TOR1B: variants seen among roughly 807,000 people sequenced by gnomAD.
TOR1B encodes torsin-1B.
In TOR1B, 14 loss-of-function variants were observed where a neutral mutation model predicts 29.2. The observed-to-expected ratio is 0.48, with a 90% CI of 0.32 to 0.75. TOR1B has a LOEUF of 0.75. Ranked by LOEUF, TOR1B falls within the 30% of genes least tolerant of loss-of-function variation. The pLI, the probability that TOR1B is intolerant of heterozygous loss-of-function variation, is 0.04. For missense variants in TOR1B, 400 were observed against 433.9 expected (o/e 0.92, Z 0.69); for synonymous variants, 166 against 179.8 (o/e 0.92, Z 0.62).
chr9:129,809,799 TTGAG>T lies in TOR1B; in HGVS notation c.*220_*223del. ...ACTCACTGCAACCTCCGCTCCCGGTTTGAGTGATTCTCATGCCTCAGCCTCCCGA... is the reference window on the plus strand; with the variant it reads ...ACTCACTGCAACCTCCGCTCCCGGTTTGATTCTCATGCCTCAGCCTCCCGA... On this transcript the variant is annotated 3_prime_UTR_variant, in exon 5 of 5. Coordinates refer to ENST00000259339, the MANE Select transcript of TOR1B (RefSeq NM_014506.3). The T allele has an allele frequency of 7.2e-7, 1 of 1,394,530 alleles. No homozygotes were observed. The highest frequency in any genetic ancestry group is 2.7e-5 in the East Asian group (1 of 36,456). The allele number at this position is 1,394,530 out of a possible 1,614,324, so 86.4% of individuals were successfully genotyped here.
intron 4 of TOR1B, 53 bp from the exon 5 acceptor site, chr9:129,809,289 G>A: frequency 6.2e-7 from 1 of 1,610,780 alleles, no homozygotes; most frequent in Admixed American, 1.7e-5. Flanking sequence ...CGGGACTGGA[G>A]CTTGGCCAGG....
chr9:129,809,523 C>T lies in TOR1B; in HGVS notation c.951C>T (p.Asp317=), dbSNP rs368277926. The T allele has an allele frequency of 3.0e-5, 49 of 1,614,114 alleles. No individual in the cohort carries two copies. The highest frequency in any genetic ancestry group is 6.7e-5 in the East Asian group (3 of 44,874). ...AGGAAATGACGTTTTTCCCCAGAGA[C>T]GAGAAAATCTACTCAGACAAGGGCT... ...VAEEMTFFPR[D]EKIYSDKGCK... is the part of the protein sequence containing the mutation. Residue 317 remains aspartate, a synonymous_variant, in exon 5 of 5, where the codon GAC becomes GAT. Coordinates refer to ENST00000259339, the MANE Select transcript of TOR1B (RefSeq NM_014506.3).
At chr9:129,806,037 C>A (rs1041689720) in intron 2 of TOR1B, among the ~76,000 whole-genome samples, 2 of 151,532 alleles carry the variant, frequency 1.3e-5, no homozygotes, top group African/African-American at 4.9e-5. Context: ...GGGAGGATCG[C>A]TTGAGCCCGG....
At chr9:129,805,094 C>T (rs1334591259) in intron 2 of TOR1B, among the ~76,000 whole-genome samples, 6 of 149,858 alleles carry the variant, frequency 4.0e-5, no homozygotes, top group South Asian at 2.1e-4. Flanking sequence ...GCCGAGATCG[C>T]GCCACTGCAC....
rs2030326482 is a variant in TOR1B, at chr9:129,804,099, C to T, written c.226C>T (p.Leu76=). ...TCTCAAGCTGGATTTGGAGGAGAAG[C>T]TGTTTGGACAGCATCTAGCCACGGA... The part of the protein sequence containing the change: ...SALKLDLEEK[L]FGQHLATEVI... Residue 76 remains leucine, a synonymous_variant, in exon 2 of 5, where the codon CTG becomes TTG. Coordinates refer to ENST00000259339, the MANE Select transcript of TOR1B (RefSeq NM_014506.3). 1 of 1,614,192 alleles carries T rather than the reference C, an allele frequency of 6.2e-7. No individual in the cohort carries two copies. The highest frequency in any genetic ancestry group is 1.3e-5 in the African/African-American group (1 of 75,044).
chr9:129,804,122 G>C lies in TOR1B; in HGVS notation c.249G>C (p.Thr83=). ...EEKLFGQHLA[T]EVIFKALTGF... ...AGCTGTTTGGACAGCATCTAGCCACGGAAGTGATTTTCAAGGCGCTGACTG... is the reference window on the plus strand; with the variant it reads ...AGCTGTTTGGACAGCATCTAGCCACCGAAGTGATTTTCAAGGCGCTGACTG... Residue 83 remains threonine, a synonymous_variant, in exon 2 of 5, where the codon ACG becomes ACC. Coordinates refer to ENST00000259339, the MANE Select transcript of TOR1B (RefSeq NM_014506.3). 1 of 1,614,182 alleles carries C rather than the reference G, an allele frequency of 6.2e-7. No individual in the cohort carries two copies. The highest frequency in any genetic ancestry group is 8.5e-7 in the Non-Finnish European group (1 of 1,180,038).
Position 129,808,913 on chromosome 9 carries a change from G to A in TOR1B, c.650G>A (p.Gly217Asp), listed in dbSNP as rs550162153. ...KAIFIFLSNA[G>D]GDLITKTALD... ...TTCTCTGGCAAACTCAGCAATGCAGGCGGGGACCTTATAACTAAGACGGCT... is the reference window on the plus strand; with the variant it reads ...TTCTCTGGCAAACTCAGCAATGCAGACGGGGACCTTATAACTAAGACGGCT... The change falls in exon 4 of 5, where the codon GGC becomes GAC. Residue 217 changes from glycine (G) to aspartate (D), a missense_variant. By Grantham distance (94) the Gly-to-Asp change is moderately conservative. Coordinates refer to ENST00000259339, the MANE Select transcript of TOR1B (RefSeq NM_014506.3). The A allele has an allele frequency of 1.2e-6, 2 of 1,613,440 alleles. No individual in the cohort carries two copies. The highest frequency in any genetic ancestry group is 3.4e-5 in the Admixed American group (2 of 59,688).
At position 129,810,546 on chromosome 9, in the gene TOR1B, T is replaced by TA; in HGVS notation, c.*964dup. On this transcript the variant is annotated 3_prime_UTR_variant, in exon 5 of 5. Transcript: ENST00000259339. ...CTAGAGTCCCCCCAACCATATATCA[T>TA]AGAGTTGAATCACAATGAGACCGTT... The TA allele has an allele frequency of 3.2e-6, 2 of 619,280 alleles. No homozygotes were observed. The highest frequency in any genetic ancestry group is 4.3e-6 in the Non-Finnish European group (2 of 466,640). 38.4% of individuals were successfully genotyped at this position (619,280 alleles called of 1,614,324 possible). A position where few individuals can be genotyped will look rare whatever the true frequency, so the allele number is the denominator to read the frequency against.
chr9:129,803,305 C>A lies in TOR1B; in HGVS notation c.93C>A (p.Gly31=). The change falls in exon 1 of 5, where the codon GGC becomes GGA. Residue 31 remains glycine, a synonymous_variant. Coordinates refer to ENST00000259339, the MANE Select transcript of TOR1B (RefSeq NM_014506.3). ...VVAAFEPITV[G]LAIGAASAIT... is the part of the protein sequence containing the mutation. ...CGGCGTTCGAGCCCATCACCGTGGG[C>A]CTAGCCATCGGGGCCGCGTCGGCCA... 6.3e-7 allele frequency: 1 copy of A among 1,589,152 alleles called. No individual in the cohort carries two copies.
chr9:129,808,858 G>A, intron 3 of TOR1B, 47 bp from the exon 4 acceptor site: 1 of 1,607,490 alleles, frequency 6.2e-7, no homozygotes, highest in Non-Finnish European at 8.5e-7. Context: ...AGCAGACACA[G>A]AAGTCTTAAT....
chr9:129,803,469 C>A, intron 1 of TOR1B, 58 bp downstream of exon 1: 1 of 1,245,162 alleles, frequency 8.0e-7, no homozygotes, highest in Non-Finnish European at 1.0e-6. Flanking sequence ...GGCGCGGGGG[C>A]GCGGAGGGAC....
chr9:129,810,634 C>T lies in TOR1B; in HGVS notation c.*1051C>T, dbSNP rs2030812833. The T allele has an allele frequency of 5.3e-6, 1 of 188,948 alleles. No individual in the cohort carries two copies. Among genetic ancestry groups the T allele is most frequent in the Admixed American group, 5.6e-5 (1 of 17,774 alleles). 11.7% of individuals were successfully genotyped at this position (188,948 alleles called of 1,614,324 possible). A position where few individuals can be genotyped will look rare whatever the true frequency, so the allele number is the denominator to read the frequency against. On this transcript the variant is annotated 3_prime_UTR_variant, in exon 5 of 5. Coordinates refer to ENST00000259339, the MANE Select transcript of TOR1B (RefSeq NM_014506.3). Reference sequence around the variant, plus strand: ...GCTTGTTAAGACTTTATACTTGGGTCAATCTCTCACTTTATTTTGTAGAAC... The same window carrying T: ...GCTTGTTAAGACTTTATACTTGGGTTAATCTCTCACTTTATTTTGTAGAAC...
chr9:129,803,261 C>G lies in TOR1B; in HGVS notation c.49C>G (p.Leu17Val), dbSNP rs960916960. The G allele has an allele frequency of 6.4e-7, 1 of 1,558,216 alleles. No homozygotes were observed. Residue 17 changes from leucine to valine, a missense_variant, in exon 1 of 5, where the codon CTG (leucine) becomes GTG (valine). By Grantham distance (32) the Leu-to-Val change is conservative. Coordinates refer to ENST00000259339, the MANE Select transcript of TOR1B (RefSeq NM_014506.3). Reference protein sequence around the residue: ...LRGAAALALLLAARVVAAFEP... With the variant: ...LRGAAALALLVAARVVAAFEP... ...GGGCGCGGCGGCGCTGGCGCTGCTG[C>G]TGGCGGCCCGAGTGGTGGCGGCGTT...
At chr9:129,803,826 A>G (rs1462617744) in intron 1 of TOR1B, among the ~76,000 whole-genome samples, 5 of 152,216 alleles carry the variant, frequency 3.3e-5, no homozygotes, top group African/African-American at 1.2e-4. Context: ...GCAAGCGCTC[A>G]GTCAAGCGAT....
At position 129,804,350 on chromosome 9, in the gene TOR1B, C is replaced by T. The variant is rs776467901; in HGVS notation, c.465+12C>T. On this transcript the variant is annotated intron_variant, in intron 2 of 4. Coordinates refer to ENST00000259339, the MANE Select transcript of TOR1B (RefSeq NM_014506.3). ...TAAAACTGTACCAGGCAAGAGAACCCGCTATTATCTCGTCTGCAGGCCAGT... is the reference window on the plus strand; with the variant it reads ...TAAAACTGTACCAGGCAAGAGAACCTGCTATTATCTCGTCTGCAGGCCAGT... 6.2e-7 allele frequency: 1 copy of T among 1,607,196 alleles called. No homozygotes were observed. The highest frequency in any genetic ancestry group is 1.1e-5 in the South Asian group (1 of 90,988).
chr9:129,804,112 A>T lies in TOR1B; in HGVS notation c.239A>T (p.His80Leu). ...LDLEEKLFGQ[H>L]LATEVIFKAL... ...TTGGAGGAGAAGCTGTTTGGACAGC[A>T]TCTAGCCACGGAAGTGATTTTCAAG... is the stretch of plus-strand genomic sequence containing the variant. Residue 80 changes from histidine (H) to leucine (L), a missense_variant, in exon 2 of 5, where the codon CAT becomes CTT. Physicochemically the swap from His to Leu is moderately conservative, Grantham distance 99. Transcript: ENST00000259339. The T allele has an allele frequency of 6.2e-7, 1 of 1,614,226 alleles. No individual in the cohort carries two copies. Among genetic ancestry groups the T allele is most frequent in the Non-Finnish European group, 8.5e-7 (1 of 1,180,034 alleles).
rs1383840741 is a variant in TOR1B at position 129,804,188 on chromosome 9, T to G, written c.315T>G (p.Leu105=). 1.9e-6 allele frequency: 3 copies of G among 1,614,194 alleles called. No individual in the cohort carries two copies. The highest frequency in any genetic ancestry group is 1.7e-6 in the Non-Finnish European group (2 of 1,180,036). The change falls in exon 2 of 5, where the codon CTT becomes CTG. Residue 105 remains leucine (L), a synonymous_variant. Coordinates refer to ENST00000259339, the MANE Select transcript of TOR1B (RefSeq NM_014506.3). ...AAAATCCCAAGAAACCACTGACCCT[T>G]TCCTTACACGGCTGGGCTGGCACAG... ...NNKNPKKPLT[L]SLHGWAGTGK... is the part of the protein sequence containing the mutation.
chr9:129,809,808 T>C lies in TOR1B; in HGVS notation c.*225T>C. On this transcript the variant is annotated 3_prime_UTR_variant, in exon 5 of 5. Coordinates refer to ENST00000259339, the MANE Select transcript of TOR1B (RefSeq NM_014506.3). ...AACCTCCGCTCCCGGTTTGAGTGAT[T>C]CTCATGCCTCAGCCTCCCGAGTAGC... 7.2e-7 allele frequency: 1 copy of C among 1,384,412 alleles called. No homozygotes were observed. Among genetic ancestry groups the C allele is most frequent in the Non-Finnish European group, 9.4e-7 (1 of 1,068,566 alleles). The allele number at this position is 1,384,412 out of a possible 1,614,324, so 85.8% of individuals were successfully genotyped here.
chr9:129,808,798 T>A (rs1162263208), intron 3 of TOR1B, 107 bp from the exon 4 acceptor site: 1 of 1,408,830 alleles, frequency 7.1e-7, no homozygotes, highest in Non-Finnish European at 9.8e-7. Flanking sequence ...GTGATCTACC[T>A]GCCTCGGCCT....
Sources: gnomAD v4.1 joint callset for allele counts (sites outside exome capture counted in the v4.1 genomes callset) on GRCh38, gnomAD v4.1.1 for gene constraint, MANE v1.5 for transcripts, NCBI Gene and HGNC (gene_info 2026-07-23, HGNC 2026-07-21) for gene names.